The following NKAIN2 variants were observed in gnomAD, a reference collection of about 807,000 sequenced individuals.
The protein encoded by NKAIN2 is sodium/potassium transporting ATPase interacting 2, also known as sodium/potassium-transporting ATPase subunit beta-1-interacting protein 2.
Under a neutral mutation model 32.6 loss-of-function variants are expected in NKAIN2, and 14 were observed. The ratio of observed to expected loss-of-function variants is 0.43; its 90% CI spans 0.28 to 0.67. NKAIN2 has a LOEUF of 0.67. NKAIN2 is among the 30% of genes least tolerant of loss of function. NKAIN2 has a pLI of 0.17. For missense variants in NKAIN2, 198 were observed against 258.3 expected (o/e 0.77, Z 1.60); for synonymous variants, 80 against 87.2 (o/e 0.92, Z 0.46).
chr6:124,248,719 C>T (rs983031274), intron 1 of NKAIN2, among the ~76,000 whole-genome samples: 1 of 152,096 alleles, frequency 6.6e-6, no homozygotes, highest in Non-Finnish European at 1.5e-5. Context: ...AATCTTAGTA[C>T]AATGCCACTG....
intron 1 of NKAIN2, among the ~76,000 whole-genome samples, chr6:124,109,500 T>C (rs1785270727): frequency 6.6e-6 from 1 of 152,078 alleles, no homozygotes; most frequent in Non-Finnish European, 1.5e-5. Flanking sequence ...ACTTTAGTGT[T>C]GTCTATGTAT....
At chr6:123,944,189 TGCAAGC>T (rs1776962041) in intron 1 of NKAIN2, among the ~76,000 whole-genome samples, 1 of 152,050 alleles carries the variant, frequency 6.6e-6, no homozygotes, top group Non-Finnish European at 1.5e-5. Flanking sequence ...TAGTTTCTGA[TGCAAGC>T]AGCAAAACTA....
At chr6:124,746,830 CAG>C (rs1440273083) in intron 4 of NKAIN2, among the ~76,000 whole-genome samples, 1 of 151,826 alleles carries the variant, frequency 6.6e-6, no homozygotes, top group African/African-American at 2.4e-5. Flanking sequence ...CTTCATCTTA[CAG>C]AGTCTCAGCT....
At chr6:124,661,419 C>T (rs1387622115) in intron 4 of NKAIN2, among the ~76,000 whole-genome samples, 1 of 152,168 alleles carries the variant, frequency 6.6e-6, no homozygotes, top group Non-Finnish European at 1.5e-5. Context: ...CCTCATTCAG[C>T]CTTTCTTTCA....
At chr6:124,507,599 A>G (rs1039552974) in intron 3 of NKAIN2, among the ~76,000 whole-genome samples, 1 of 152,172 alleles carries the variant, frequency 6.6e-6, no homozygotes, top group South Asian at 2.1e-4. Flanking sequence ...TGTTTTCATA[A>G]TATAGATGTA....
chr6:124,358,240 G>A (rs1049084777), intron 3 of NKAIN2, among the ~76,000 whole-genome samples: 7 of 152,106 alleles, frequency 4.6e-5, no homozygotes, highest in African/African-American at 1.7e-4. Context: ...AAACATACGT[G>A]TGCATGTGTC....
Position 124,055,925 on chromosome 6 carries a change from G to A in NKAIN2, c.55-227080G>A, listed in dbSNP as rs149958158. Among the ~76,000 whole-genome samples, 513 of 152,148 alleles carry A rather than the reference G, an allele frequency of 3.4e-3. 6 individuals are homozygous for A. The highest frequency in any genetic ancestry group is 0.011 in the African/African-American group (477 of 41,552). ...AGATTTAACTAAAATGGTTGAATTTGTCTTTCATTTGGTATTAATTTGTTT... is the reference window on the plus strand; with the variant it reads ...AGATTTAACTAAAATGGTTGAATTTATCTTTCATTTGGTATTAATTTGTTT... On this transcript the variant is annotated intron_variant, in intron 1 of 6. Transcript: ENST00000368417.
intron 3 of NKAIN2, among the ~76,000 whole-genome samples, chr6:124,466,445 C>A (rs1328587971): frequency 6.6e-6 from 1 of 152,050 alleles, no homozygotes; most frequent in Admixed American, 6.6e-5. Context: ...CCCTTGGCCT[C>A]ATTTCAGCTT....
chr6:123,872,377 C>T (rs1018007591), intron 1 of NKAIN2, among the ~76,000 whole-genome samples: 4 of 152,224 alleles, frequency 2.6e-5, no homozygotes, highest in African/African-American at 9.6e-5. Flanking sequence ...AGGTTGTTTA[C>T]AACCGTGTGC....
At chr6:124,233,682 T>C (rs1470895079) in intron 1 of NKAIN2, among the ~76,000 whole-genome samples, 2 of 152,202 alleles carry the variant, frequency 1.3e-5, no homozygotes, top group Non-Finnish European at 2.9e-5. Flanking sequence ...TCTTTATGCT[T>C]TCAGGACCTT....
chr6:124,436,733 T>C (rs1775463684), intron 3 of NKAIN2, among the ~76,000 whole-genome samples: 1 of 152,156 alleles, frequency 6.6e-6, no homozygotes, highest in Non-Finnish European at 1.5e-5. Context: ...ATCTCCTGTC[T>C]GGCCTCTCAC....
Position 124,585,585 on chromosome 6 carries a change from G to A in NKAIN2, c.274-72601G>A, listed in dbSNP as rs145296318. ...TATGCATCAAACATGTACTCACGAA[G>A]ATTGAAAATGTTTTTAAATAATAAA... On this transcript the variant is annotated intron_variant, in intron 3 of 6. Coordinates refer to ENST00000368417, the MANE Select transcript of NKAIN2 (RefSeq NM_001040214.3). Among the ~76,000 whole-genome samples, 1,220 of 152,188 alleles carry A rather than the reference G, an allele frequency of 8.0e-3. 12 individuals carry two copies. Among genetic ancestry groups the A allele is most frequent in the African/African-American group, 0.027 (1,112 of 41,528 alleles).
chr6:124,106,489 C>T (rs955520380), intron 1 of NKAIN2, among the ~76,000 whole-genome samples: 6 of 152,076 alleles, frequency 3.9e-5, no homozygotes, highest in African/African-American at 7.2e-5. Flanking sequence ...GTGCAGCAAT[C>T]GATAAATGCT....
chr6:124,323,869 G>A (rs529784105), intron 2 of NKAIN2, among the ~76,000 whole-genome samples: 29 of 146,444 alleles, frequency 2.0e-4, no homozygotes, highest in Non-Finnish European at 3.7e-4. Flanking sequence ...CTCACTGCAA[G>A]CTCCACCTCC....
intron 4 of NKAIN2, among the ~76,000 whole-genome samples, chr6:124,716,411 A>G (rs1278918360): frequency 2.0e-5 from 3 of 152,196 alleles, no homozygotes; most frequent in Admixed American, 6.5e-5. Flanking sequence ...GAGCATAAAA[A>G]CAGCCAGAGT....
intron 2 of NKAIN2, among the ~76,000 whole-genome samples, chr6:124,299,861 T>C (rs1444000139): frequency 6.6e-6 from 1 of 152,230 alleles, no homozygotes; most frequent in Non-Finnish European, 1.5e-5. Flanking sequence ...CAATGAAGTG[T>C]TGTACTTTGT....
intron 3 of NKAIN2, among the ~76,000 whole-genome samples, chr6:124,388,258 T>C (rs1258888794): frequency 6.6e-6 from 1 of 152,108 alleles, no homozygotes; most frequent in African/African-American, 2.4e-5. Flanking sequence ...ATCAGGACAC[T>C]GTTAGGTTTA....
chr6:124,546,515 T>C (rs1780099700), intron 3 of NKAIN2, among the ~76,000 whole-genome samples: 1 of 151,778 alleles, frequency 6.6e-6, no homozygotes, highest in South Asian at 2.1e-4. Context: ...ATATATTACA[T>C]ATATAAGATA....
intron 1 of NKAIN2, among the ~76,000 whole-genome samples, chr6:124,128,039 G>A (rs1343821950): frequency 1.3e-5 from 2 of 152,122 alleles, no homozygotes; most frequent in African/African-American, 4.8e-5. Flanking sequence ...ATGTTGGCCA[G>A]GCTGGTCTCA....
Sources: gnomAD v4.1 joint callset for allele counts (sites outside exome capture counted in the v4.1 genomes callset) on GRCh38, gnomAD v4.1.1 for gene constraint, MANE v1.5 for transcripts, NCBI Gene and HGNC (gene_info 2026-07-23, HGNC 2026-07-21) for gene names.